Variants in SLC38A10 observed in about 807,000 individuals in gnomAD.
The protein encoded by SLC38A10 is Sodium-coupled neutral amino acid transporter 10.
SLC38A10 carries 53 observed loss-of-function variants against 81.0 expected under a neutral mutation model. The observed-to-expected ratio is 0.65, with a 90% CI of 0.53 to 0.82. The LOEUF (loss-of-function observed/expected upper bound fraction) is 0.82, where lower values mean the gene tolerates loss of function less well. Ranked by LOEUF, SLC38A10 falls within the 40% of genes least tolerant of loss-of-function variation. SLC38A10 has a pLI of 0.00. For synonymous variants in SLC38A10, 665 were observed against 655.3 expected (o/e 1.01, Z -0.23); for missense variants, 1,471 against 1,545.0 (o/e 0.95, Z 0.80).
chr17:81,260,727 C>T (rs763167562), intron 10 of SLC38A10, among the ~76,000 whole-genome samples: 1 of 152,248 alleles, frequency 6.6e-6, no homozygotes, highest in Non-Finnish European at 1.5e-5. Flanking sequence ...TGGGCCAATC[C>T]TGTCAGAGCT....
In SLC38A10 at chr17:81,283,652, C is replaced by T. The variant is rs544076180; in HGVS notation, c.264-150G>A. ...TTTTTGAAACAGAGTCTCACTCTGT[C>T]GCCCAGGCTGGAGTGCAATGGTGAG... is the stretch of plus-strand genomic sequence containing the variant. On this transcript the variant is annotated intron_variant, in intron 3 of 15. Transcript: ENST00000374759. The surrounding 1 kb of genome is among the most constrained non-coding windows in gnomAD (Gnocchi z 4.7). 9.6e-4 allele frequency: 517 copies of T among 537,960 alleles called. 2 individuals are homozygous for T. Among genetic ancestry groups the T allele is most frequent in the African/African-American group, 9.2e-3 (466 of 50,846 alleles). The allele number at this position is 537,960 out of a possible 1,614,324, so 33.3% of individuals were successfully genotyped here.
chr17:81,259,856 C>T (rs1478343059), intron 11 of SLC38A10, among the ~76,000 whole-genome samples: 1 of 152,222 alleles, frequency 6.6e-6, no homozygotes, highest in Non-Finnish European at 1.5e-5. Context: ...AAACTGAGGC[C>T]TGATCGCCGA....
rs150219837 is a variant in SLC38A10, at chr17:81,260,077, A to C, written c.1288+161T>G. Among the ~76,000 whole-genome samples, 912 of 152,326 alleles carry C rather than the reference A, an allele frequency of 6.0e-3. 3 individuals carry two copies. Among genetic ancestry groups the C allele is most frequent in the Non-Finnish European group, 9.4e-3 (641 of 68,016 alleles). ...GCCATGCCACAGCCAGCCATGGTGC[A>C]CAGAGCATGTTCACAGGGGAGGCTG... On this transcript the variant is annotated intron_variant, in intron 11 of 15. Transcript: ENST00000374759.
intron 8 of SLC38A10, among the ~76,000 whole-genome samples, chr17:81,274,395 G>A (rs1488387639): frequency 6.6e-6 from 1 of 152,330 alleles, no homozygotes; most frequent in East Asian, 1.9e-4. Context: ...CAAGGCCCAG[G>A]GAGACCCACC....
chr17:81,261,169 G>A (rs758053585), intron 10 of SLC38A10, among the ~76,000 whole-genome samples: 5 of 152,220 alleles, frequency 3.3e-5, no homozygotes, highest in East Asian at 1.9e-4. Flanking sequence ...AGCATCACAC[G>A]TGCCGCCTCG....
intron 11 of SLC38A10, among the ~76,000 whole-genome samples, chr17:81,256,370 C>T (rs962004676): frequency 8.5e-5 from 13 of 152,198 alleles, no homozygotes; most frequent in Non-Finnish European, 1.6e-4. Context: ...CACCCCAGAC[C>T]GGAGGCCAGC....
rs764908109 is a variant in SLC38A10, at chr17:81,276,021, A to G, written c.860T>C (p.Met287Thr). The change falls in exon 8 of 16, where the codon ATG (methionine) becomes ACG (threonine). Residue 287 changes from methionine (M) to threonine (T), a missense_variant. Physicochemically the swap from Met to Thr is moderately conservative, Grantham distance 81 (BLOSUM62 -1). Transcript: ENST00000374759. The surrounding 1 kb of genome is among the most constrained non-coding windows in gnomAD (Gnocchi z 4.7). ...FMMSVAVGFP[M>T]MILPCRQALS... ...GGCCTGCCTGCATGGCAGGATCATC[A>G]TGGGGAAGCCCACAGCCACTGACAT... 1.2e-6 allele frequency: 2 copies of G among 1,613,724 alleles called. No individual in the cohort carries two copies. The highest frequency in any genetic ancestry group is 1.3e-5 in the African/African-American group (1 of 75,046).
At position 81,246,586 on chromosome 17, in the gene SLC38A10, G is replaced by C; in HGVS notation, c.2330C>G (p.Pro777Arg). Residue 777 changes from proline to arginine, a missense_variant, in exon 16 of 16, where the codon CCT becomes CGT. Transcript: ENST00000374759. Reference protein sequence around the residue: ...GKARETVENLPPLPLDPVLRA... With the variant: ...GKARETVENLRPLPLDPVLRA... ...GAGGACAGGGTCCAAAGGCAGGGGA[G>C]GCAGATTCTCCACCGTCTCCCTGGC... 6.6e-7 allele frequency: 1 copy of C among 1,517,500 alleles called. No individual in the cohort carries two copies. Among genetic ancestry groups the C allele is most frequent in the Non-Finnish European group, 8.8e-7 (1 of 1,135,016 alleles). The allele number at this position is 1,517,500 out of a possible 1,614,324, so 94.0% of individuals were successfully genotyped here.
chr17:81,291,811 T>G (rs2063312853), intron 1 of SLC38A10, among the ~76,000 whole-genome samples: 1 of 152,082 alleles, frequency 6.6e-6, no homozygotes, highest in Admixed American at 6.5e-5. Flanking sequence ...CGCATGGCGG[T>G]GCAGCGGACA....
chr17:81,250,828 G>A, intron 14 of SLC38A10: 9 of 1,010,796 alleles, frequency 8.9e-6, no homozygotes, highest in East Asian at 1.0e-4. Flanking sequence ...CCACAAGGAG[G>A]GGTCGCAAAA....
chr17:81,275,686 C>T (rs1230628342), intron 8 of SLC38A10, among the ~76,000 whole-genome samples: 1 of 139,640 alleles, frequency 7.2e-6, no homozygotes, highest in African/African-American at 2.9e-5. Context: ...GAGTCGAGAT[C>T]GCGCCACTGC....
In SLC38A10 at chr17:81,253,134, C is replaced by T. The variant is rs764710316; in HGVS notation, c.1395G>A (p.Val465=). The T allele has an allele frequency of 6.8e-6, 11 of 1,613,838 alleles. No individual in the cohort carries two copies. The African/African-American group carries it at 1.5e-4, about 22-fold the overall frequency. The change falls in exon 12 of 16, where the codon GTG becomes GTA. Residue 465 remains valine (V), a synonymous_variant. Transcript: ENST00000374759. This position sits in a 1 kb window ranked among gnomAD's most constrained non-coding sequence, Gnocchi z 4.1. ...EQAQIKGPVD[V]PGREDGKEAP... ...CCTCCTTGCCATCTTCCCGTCCAGGCACATCCACGGGCCCCTTGATCTGGG... is the reference window on the plus strand; with the variant it reads ...CCTCCTTGCCATCTTCCCGTCCAGGTACATCCACGGGCCCCTTGATCTGGG...
chr17:81,248,368 C>T (rs1003455666), intron 14 of SLC38A10, among the ~76,000 whole-genome samples: 1 of 152,208 alleles, frequency 6.6e-6, no homozygotes, highest in African/African-American at 2.4e-5. Flanking sequence ...TGGGCAGGTC[C>T]TGCGTGATGG....
rs771531221 is a variant in SLC38A10 at position 81,245,866 on chromosome 17, T to TCTGGCC, written c.3044_3049dup (p.Pro1016_Glu1017insGlyPro). On this transcript the variant is annotated inframe_insertion, in exon 16 of 16. Coordinates refer to ENST00000374759, the MANE Select transcript of SLC38A10 (RefSeq NM_001037984.3). ...AGCTCGTTTGAGCCCCAGCTCTGGC[T>TCTGGCC]CTGGCCTCTGCCTGGGCTCCTGGAC... 2.5e-6 allele frequency: 4 copies of TCTGGCC among 1,612,192 alleles called. No homozygotes were observed. In the African/African-American group the frequency reaches 5.3e-5, roughly 22 times the overall value.
chr17:81,245,956 T>C lies in SLC38A10; in HGVS notation c.2960A>G (p.Lys987Arg). The C allele has an allele frequency of 6.2e-7, 1 of 1,604,636 alleles. No homozygotes were observed. Among genetic ancestry groups the C allele is most frequent in the Non-Finnish European group, 8.5e-7 (1 of 1,174,602 alleles). Residue 987 changes from lysine to arginine, a missense_variant, in exon 16 of 16, where the codon AAG becomes AGG. Around this residue, in one of 2 missense-constraint regions of SLC38A10, gnomAD observed 751 missense variants for 717.4 expected, o/e 1.05. Coordinates refer to ENST00000374759, the MANE Select transcript of SLC38A10 (RefSeq NM_001037984.3). ...LDHGGHLEMR[K>R]ARGGDHVPVS... ...AGGCACATGGTCCCCCCCGCGGGCC[T>C]TTCTCATCTCCAGGTGACCGCCATG...
intron 2 of SLC38A10, 48 bp from the exon 3 acceptor site, chr17:81,284,943 C>A: frequency 6.6e-7 from 1 of 1,510,694 alleles, no homozygotes; most frequent in Admixed American, 2.1e-5. Context: ...GTGAGAAGCT[C>A]GTCCAGAACA....
At chr17:81,294,628 C>A (rs2063333812) in intron 1 of SLC38A10, among the ~76,000 whole-genome samples, 195 bp downstream of exon 1, 2 of 152,238 alleles carry the variant, frequency 1.3e-5, no homozygotes, top group South Asian at 4.1e-4. Context: ...GCTGCCAGGG[C>A]CAACGCCGTG....
chr17:81,249,002 G>C (rs180875968), intron 14 of SLC38A10, among the ~76,000 whole-genome samples: 1 of 152,312 alleles, frequency 6.6e-6, no homozygotes, highest in Admixed American at 6.5e-5. Flanking sequence ...CGTGGGCCAC[G>C]TGCTCGCCCT....
At chr17:81,268,399 CTTCTTTTTT>C (rs1049810698) in intron 10 of SLC38A10, among the ~76,000 whole-genome samples, 5 of 151,994 alleles carry the variant, frequency 3.3e-5, no homozygotes, top group East Asian at 1.9e-4. Context: ...TCTTTTTCTT[CTTCTTTTTT>C]TTCTTTTTTT....
Sources: allele counts gnomAD v4.1 joint callset (sites outside exome capture counted in the v4.1 genomes callset), GRCh38; gene constraint gnomAD v4.1.1; regional missense constraint gnomAD v4.1.1; non-coding constraint Gnocchi (gnomAD v3.1); transcripts MANE v1.5; gene names NCBI Gene and HGNC (gene_info 2026-07-23, HGNC 2026-07-21).